DLGAP2: variants seen among roughly 807,000 people sequenced by gnomAD.
DLGAP2 encodes the protein DLG associated protein 2.
Under a neutral mutation model 100.3 loss-of-function variants are expected in DLGAP2, and 26 were observed. That is an observed-to-expected ratio of 0.26 (90% CI 0.19 to 0.36). The LOEUF (loss-of-function observed/expected upper bound fraction) is 0.36. DLGAP2 is among the 10% of genes least tolerant of loss of function. The pLI is 1.00. For synonymous variants in DLGAP2, 886 were observed against 630.1 expected (o/e 1.41, Z -6.08); for missense variants, 1,858 against 1,453.2 (o/e 1.28, Z -4.53).
At chr8:808,003 G>A (rs76579404) in intron 1 of DLGAP2, among the ~76,000 whole-genome samples, 3,671 of 152,260 alleles carry the variant, frequency 0.024, 85 homozygotes, top group Non-Finnish European at 0.032. Flanking sequence ...CAATTGCTAC[G>A]TGCAGGTCCA....
At chr8:1,612,438 C>T (rs1418923345) in intron 6 of DLGAP2, among the ~76,000 whole-genome samples, 1 of 139,434 alleles carries the variant, frequency 7.2e-6, no homozygotes, top group Admixed American at 7.4e-5. Flanking sequence ...CATAAAAACC[C>T]TAGAAGAAAA....
intron 2 of DLGAP2, among the ~76,000 whole-genome samples, chr8:1,135,503 G>GTTTTTT (rs3080806): frequency 0.015 from 1,387 of 92,226 alleles, 93 homozygotes; most frequent in East Asian, 0.053. Flanking sequence ...TTTTTTGTGG[G>GTTTTTT]TTTTTTTTTT....
intron 1 of DLGAP2, among the ~76,000 whole-genome samples, chr8:805,062 C>T (rs2132661909): frequency 6.6e-6 from 1 of 152,326 alleles, no homozygotes; most frequent in Admixed American, 6.5e-5. Flanking sequence ...TGAGCTACTG[C>T]TCCTGGCCTC....
chr8:1,462,139 G>A (rs1406279126), intron 3 of DLGAP2, among the ~76,000 whole-genome samples: 1 of 47,992 alleles, frequency 2.1e-5, no homozygotes, highest in Non-Finnish European at 3.5e-5. Flanking sequence ...GGAGGGAGAA[G>A]GGTGGCATTT....
chr8:973,159 G>A (rs1800061686), intron 2 of DLGAP2, among the ~76,000 whole-genome samples: 1 of 152,184 alleles, frequency 6.6e-6, no homozygotes, highest in African/African-American at 2.4e-5. Context: ...GTGGCGGCAG[G>A]GCAGAGGGGC....
chr8:1,475,221 C>G (rs540664857), intron 3 of DLGAP2, among the ~76,000 whole-genome samples: 2 of 152,248 alleles, frequency 1.3e-5, no homozygotes, highest in Non-Finnish European at 2.9e-5. Flanking sequence ...GTGCTCACTA[C>G]CTGGGTGACA....
chr8:1,215,304 C>T (rs940734291), intron 2 of DLGAP2, among the ~76,000 whole-genome samples: 1 of 152,216 alleles, frequency 6.6e-6, no homozygotes, highest in African/African-American at 2.4e-5. Flanking sequence ...ATGTCAGCAC[C>T]TTCTGAGCAT....
intron 2 of DLGAP2, among the ~76,000 whole-genome samples, chr8:1,175,527 G>T (rs955493315): frequency 6.6e-6 from 1 of 152,234 alleles, no homozygotes; most frequent in Non-Finnish European, 1.5e-5. Context: ...CATTGAGGCT[G>T]TCAGTGGAAG....
At chr8:1,076,579 C>T (rs58406301) in intron 2 of DLGAP2, among the ~76,000 whole-genome samples, 6,991 of 152,304 alleles carry the variant, frequency 0.046, 530 homozygotes, top group African/African-American at 0.16. Flanking sequence ...TCTCTTGAGC[C>T]GCCTTCCGTT....
intron 3 of DLGAP2, among the ~76,000 whole-genome samples, chr8:1,314,720 C>G (rs1283862669): frequency 1.3e-5 from 2 of 152,198 alleles, no homozygotes; most frequent in African/African-American, 4.8e-5. Flanking sequence ...GCCTCCTGCT[C>G]CGGAGGTCGA....
In DLGAP2 at chr8:1,140,887, G is replaced by C. The variant is rs1165756761; in HGVS notation, c.74-117964G>C. Among the ~76,000 whole-genome samples, 3 of 152,168 alleles carry C rather than the reference G, an allele frequency of 2.0e-5. No individual in the cohort carries two copies. The South Asian group carries it at 6.2e-4, about 32-fold the overall frequency. On this transcript the variant is annotated intron_variant, in intron 2 of 14. Coordinates refer to ENST00000637795, the MANE Select transcript of DLGAP2 (RefSeq NM_001346810.2). ...ACTCAGAGGCCAAGGCAGGAGAATCGGCAGAAAAATCGCTTGAACCGGGGG... is the reference window on the plus strand; with the variant it reads ...ACTCAGAGGCCAAGGCAGGAGAATCCGCAGAAAAATCGCTTGAACCGGGGG...
chr8:1,696,309 T>C (rs1019655444), intron 13 of DLGAP2, among the ~76,000 whole-genome samples: 8 of 152,112 alleles, frequency 5.3e-5, no homozygotes, highest in Non-Finnish European at 7.4e-5. Context: ...GAGGCCACCC[T>C]GGGCAACACA....
At chr8:1,167,580 G>C (rs62487548) in intron 2 of DLGAP2, among the ~76,000 whole-genome samples, 9 of 152,066 alleles carry the variant, frequency 5.9e-5, no homozygotes, top group African/African-American at 2.2e-4. Flanking sequence ...ATCATAAGTG[G>C]CCCACATTGA....
intron 3 of DLGAP2, among the ~76,000 whole-genome samples, chr8:1,348,052 G>C (rs1298448010): frequency 6.6e-6 from 1 of 151,032 alleles, no homozygotes; most frequent in Non-Finnish European, 1.5e-5. Flanking sequence ...TTCCCACACA[G>C]AGCTGCGCTG....
chr8:892,722 A>C (rs913428371), intron 1 of DLGAP2, among the ~76,000 whole-genome samples: 1 of 152,154 alleles, frequency 6.6e-6, no homozygotes, highest in Non-Finnish European at 1.5e-5. Context: ...GGGAACCACC[A>C]GGCGGGGCAG....
At chr8:1,068,922 G>A (rs7015589) in intron 2 of DLGAP2, among the ~76,000 whole-genome samples, 4,652 of 152,198 alleles carry the variant, frequency 0.031, 227 homozygotes, top group African/African-American at 0.11. Flanking sequence ...GGGCAGCCCC[G>A]GGGGCTGGGC....
intron 2 of DLGAP2, among the ~76,000 whole-genome samples, chr8:1,130,792 C>T (rs1001252504): frequency 2.0e-5 from 3 of 152,170 alleles, no homozygotes; most frequent in East Asian, 1.9e-4. Flanking sequence ...TGGCACAGCA[C>T]GCCCCCAGCT....
intron 1 of DLGAP2, among the ~76,000 whole-genome samples, chr8:856,370 T>C (rs1439564913): frequency 1.3e-5 from 2 of 152,012 alleles, no homozygotes; most frequent in African/African-American, 4.8e-5. Flanking sequence ...GTATTTTTGG[T>C]AGAGATGGGA....
chr8:1,120,089 T>C (rs1270309725), intron 2 of DLGAP2, among the ~76,000 whole-genome samples: 1 of 152,130 alleles, frequency 6.6e-6, no homozygotes, highest in African/African-American at 2.4e-5. Context: ...CTTAGCTAAG[T>C]TGGAAATTCA....
Sources: gnomAD v4.1 joint callset for allele counts (sites outside exome capture counted in the v4.1 genomes callset) on GRCh38, gnomAD v4.1.1 for gene constraint, MANE v1.5 for transcripts, NCBI Gene and HGNC (gene_info 2026-07-23, HGNC 2026-07-21) for gene names.